Variants in ABTB3 observed in about 807,000 individuals in gnomAD.
ABTB3 encodes ankyrin repeat- and BTB/POZ domain-containing protein 3.
At chr12:107,573,535 CAGAT>C in the ABTB3 span, among the ~76,000 whole-genome samples, 2 of 151,228 alleles carry the variant, frequency 1.3e-5, no homozygotes, top group African/African-American at 4.9e-5. Flanking sequence ...GGTGAGTGGA[CAGAT>C]AGACAGATAG....
the ABTB3 span, among the ~76,000 whole-genome samples, chr12:107,438,171 G>A: frequency 6.6e-6 from 1 of 152,090 alleles, no homozygotes; most frequent in African/African-American, 2.4e-5. Context: ...CTCTGATCCT[G>A]CCCTGGGTTA....
At chr12:107,497,717 G>C in the ABTB3 span, among the ~76,000 whole-genome samples, 1 of 152,196 alleles carries the variant, frequency 6.6e-6, no homozygotes, top group Admixed American at 6.5e-5. Context: ...CAGCTTTTCA[G>C]TGTCAGAAAA....
At chr12:107,635,059 A>C in the ABTB3 span, 1 of 382,212 alleles carries the variant, frequency 2.6e-6, no homozygotes, top group African/African-American at 2.1e-5. Flanking sequence ...AGAATTTCTT[A>C]AGCTTCACCA....
the ABTB3 span, among the ~76,000 whole-genome samples, chr12:107,445,091 C>T: frequency 2.6e-5 from 4 of 152,212 alleles, no homozygotes; most frequent in African/African-American, 4.8e-5. Flanking sequence ...AAATTAGCTC[C>T]GCTGCTGCTG....
the ABTB3 span, among the ~76,000 whole-genome samples, chr12:107,488,396 G>T: frequency 2.0e-5 from 3 of 151,998 alleles, no homozygotes; most frequent in Admixed American, 6.6e-5. Flanking sequence ...AGAAAAAAAA[G>T]TGTGCCCAGA....
chr12:107,529,071 G>A, the ABTB3 span, among the ~76,000 whole-genome samples: 1 of 151,030 alleles, frequency 6.6e-6, no homozygotes, highest in Admixed American at 6.6e-5. Flanking sequence ...TGATAGTGAT[G>A]TAATGGAGGT....
the ABTB3 span, chr12:107,649,389 C>T: frequency 5.1e-6 from 5 of 976,608 alleles, no homozygotes; most frequent in Admixed American, 1.7e-5. Context: ...GTTGGGTTTT[C>T]ATTTGGATGA....
At chr12:107,647,325 G>A in the ABTB3 span, among the ~76,000 whole-genome samples, 1 of 152,068 alleles carries the variant, frequency 6.6e-6, no homozygotes, top group African/African-American at 2.4e-5. Flanking sequence ...GTGAGGCCCT[G>A]TCTCAAACTA....
chr12:107,440,360 C>T, the ABTB3 span, among the ~76,000 whole-genome samples: 4 of 152,204 alleles, frequency 2.6e-5, no homozygotes, highest in Non-Finnish European at 5.9e-5. Flanking sequence ...GGCATCTGCC[C>T]GTGCTTCTGC....
chr12:107,621,011 G>A, the ABTB3 span, among the ~76,000 whole-genome samples: 1 of 152,090 alleles, frequency 6.6e-6, no homozygotes, highest in Non-Finnish European at 1.5e-5. Flanking sequence ...GGCAGTGTGG[G>A]TCCCCCTGCC....
the ABTB3 span, among the ~76,000 whole-genome samples, chr12:107,323,441 C>T: frequency 2.6e-5 from 4 of 152,152 alleles, no homozygotes; most frequent in Non-Finnish European, 4.4e-5. Flanking sequence ...TAGGGGCTCT[C>T]GAAAATCACA....
At chr12:107,372,155 T>C in the ABTB3 span, among the ~76,000 whole-genome samples, 1 of 152,246 alleles carries the variant, frequency 6.6e-6, no homozygotes, top group Non-Finnish European at 1.5e-5. Context: ...ATCCCAATTC[T>C]GCCCTGTTGT....
At chr12:107,341,842 G>A in the ABTB3 span, among the ~76,000 whole-genome samples, 2 of 152,092 alleles carry the variant, frequency 1.3e-5, no homozygotes, top group Non-Finnish European at 2.9e-5. Context: ...TTTTAAAAGG[G>A]TGTGGCACCT....
the ABTB3 span, among the ~76,000 whole-genome samples, chr12:107,655,256 A>AATATGT: frequency 1.3e-5 from 2 of 148,766 alleles, no homozygotes; most frequent in African/African-American, 5.0e-5. Flanking sequence ...GCCTCTTTCA[A>AATATGT]ATATATATAT....
the ABTB3 span, among the ~76,000 whole-genome samples, chr12:107,505,583 G>GT: frequency 0.033 from 4,682 of 143,546 alleles, 208 homozygotes; most frequent in African/African-American, 0.099. Context: ...CAGATCAAAG[G>GT]TTTTTTTTTT....
At chr12:107,489,591 G>T in the ABTB3 span, among the ~76,000 whole-genome samples, 419 of 152,146 alleles carry the variant, frequency 2.8e-3, 3 homozygotes, top group African/African-American at 9.4e-3. Flanking sequence ...AATTTTCAGG[G>T]ATCTAGCTAT....
chr12:107,619,954 G>A, the ABTB3 span: 1 of 1,556,582 alleles, frequency 6.4e-7, no homozygotes, highest in Non-Finnish European at 8.7e-7. Flanking sequence ...CCCCTCCCCT[G>A]CCACCTTCCC....
At chr12:107,526,143 G>T in the ABTB3 span, among the ~76,000 whole-genome samples, 11 of 152,170 alleles carry the variant, frequency 7.2e-5, no homozygotes, top group South Asian at 1.9e-3. Flanking sequence ...TGCTGCAAGT[G>T]AGTAGGACTC....
At chr12:107,626,920 G>A in the ABTB3 span, among the ~76,000 whole-genome samples, 1 of 152,092 alleles carries the variant, frequency 6.6e-6, no homozygotes, top group African/African-American at 2.4e-5. Context: ...GGCCAAGGCA[G>A]GTGGATCACT....
Sources: allele counts gnomAD v4.1 joint callset (sites outside exome capture counted in the v4.1 genomes callset), GRCh38; gene constraint gnomAD v4.1.1; transcripts MANE v1.5; gene names NCBI Gene and HGNC (gene_info 2026-07-23, HGNC 2026-07-21).